SCN3A: variants seen among roughly 807,000 people sequenced by gnomAD.
SCN3A encodes sodium channel protein type 3 subunit alpha.
In SCN3A, 60 loss-of-function variants were observed where a neutral mutation model predicts 187.6. The ratio of observed to expected loss-of-function variants is 0.32; its 90% CI spans 0.26 to 0.40. The LOEUF is 0.40. Ranked by LOEUF, SCN3A falls within the 10% of genes least tolerant of loss-of-function variation. The pLI is 1.00. For synonymous variants in SCN3A, 788 were observed against 829.2 expected, an observed-to-expected ratio of 0.95 and a Z score of 0.85; for missense variants, 1,601 against 2,428.2, an observed-to-expected ratio of 0.66 and a Z score of 7.16.
chr2:165,114,603 A>G (rs1217821582), intron 19 of SCN3A, among the ~76,000 whole-genome samples: 2 of 152,200 alleles, frequency 1.3e-5, no homozygotes, highest in African/African-American at 4.8e-5. Context: ...GTCACATTGA[A>G]TAATAGATAT....
At chr2:165,201,739 C>T (rs568976182) in intron 1 of SCN3A, among the ~76,000 whole-genome samples, 9 of 151,950 alleles carry the variant, frequency 5.9e-5, no homozygotes, top group Non-Finnish European at 1.3e-4. Context: ...AGGAACTGGC[C>T]AAGAAACGCC....
At chr2:165,109,208 T>G (rs1288838917) in intron 21 of SCN3A, among the ~76,000 whole-genome samples, 1 of 152,166 alleles carries the variant, frequency 6.6e-6, no homozygotes, top group Non-Finnish European at 1.5e-5. Context: ...AACTTCTAAA[T>G]GTTATAGTGT....
intron 6 of SCN3A, chr2:165,163,943 A>C (rs1559250958): frequency 6.6e-7 from 1 of 1,516,512 alleles, no homozygotes; most frequent in Non-Finnish European, 9.1e-7. Context: ...GTTTATACTA[A>C]ATAAGGACTT....
At chr2:165,200,746 A>G (rs1312580150) in intron 1 of SCN3A, among the ~76,000 whole-genome samples, 2 of 152,050 alleles carry the variant, frequency 1.3e-5, no homozygotes, top group Non-Finnish European at 2.9e-5. Context: ...GGGAAGGATT[A>G]GGAGGCCTGG....
intron 1 of SCN3A, among the ~76,000 whole-genome samples, chr2:165,188,612 A>AC (rs1206906276): frequency 6.6e-6 from 1 of 151,936 alleles, no homozygotes; most frequent in Non-Finnish European, 1.5e-5. Flanking sequence ...ACATGGTGAA[A>AC]CCCCGTCTCT....
intron 2 of SCN3A, among the ~76,000 whole-genome samples, chr2:165,177,683 A>G (rs1019628333): frequency 6.6e-6 from 1 of 152,276 alleles, no homozygotes; most frequent in Admixed American, 6.5e-5. Context: ...AAAGAAGGGA[A>G]GGCAGACTGA....
intron 2 of SCN3A, among the ~76,000 whole-genome samples, chr2:165,184,558 T>C (rs1691106410): frequency 6.6e-6 from 1 of 151,648 alleles, no homozygotes; most frequent in Admixed American, 6.6e-5. Flanking sequence ...TCTTGATGTT[T>C]GCTGAAACAA....
At chr2:165,124,988 A>T (rs1218519544) in intron 18 of SCN3A, among the ~76,000 whole-genome samples, 3 of 151,986 alleles carry the variant, frequency 2.0e-5, no homozygotes, top group East Asian at 1.9e-4. Flanking sequence ...TTAACTCCAA[A>T]CTCTTTGGCT....
At chr2:165,143,494 A>G (rs1457302768) in intron 12 of SCN3A, among the ~76,000 whole-genome samples, 26 of 152,182 alleles carry the variant, frequency 1.7e-4, no homozygotes. Flanking sequence ...AATGTATAAT[A>G]ATGGGTGTGA....
Position 165,170,454 on chromosome 2 carries a change from A to G in SCN3A, c.359T>C (p.Ile120Thr). The stretch of plus-strand genomic sequence containing the variant: ...TGAATGTACCAAAATCTTGATAGCA[A>G]TTTTCCTAACAGGGTTTAGTGGAGT... The part of the protein sequence containing the change: ...ILTPLNPVRK[I>T]AIKILVHSLF... The change falls in exon 4 of 28, where the codon ATT becomes ACT. Residue 120 changes from isoleucine (I) to threonine (T), a missense_variant. Physicochemically the swap from Ile to Thr is moderately conservative, Grantham distance 89. This residue lies in a region of SCN3A where 122 missense variants were observed against 225.1 expected (regional missense o/e 0.54). Transcript: ENST00000283254. 1 of 1,608,322 alleles carries G rather than the reference A, an allele frequency of 6.2e-7. No individual in the cohort carries two copies. The highest frequency in any genetic ancestry group is 8.5e-7 in the Non-Finnish European group (1 of 1,175,380).
rs1689981476 is a variant in SCN3A, at chr2:165,169,487, A to T, written c.384-662T>A. Among the ~76,000 whole-genome samples, 3 of 152,010 alleles carry T rather than the reference A, an allele frequency of 2.0e-5. No individual in the cohort carries two copies. In the South Asian group the frequency reaches 6.2e-4, roughly 32 times the overall value. On this transcript the variant is annotated intron_variant, in intron 4 of 27. Coordinates refer to ENST00000283254, the MANE Select transcript of SCN3A (RefSeq NM_006922.4). ...TACCTAAACAGATAGCACTATTCTGATGCTCTTCTGAGAATTAGCTGTAGT... is the reference window on the plus strand; with the variant it reads ...TACCTAAACAGATAGCACTATTCTGTTGCTCTTCTGAGAATTAGCTGTAGT...
At chr2:165,139,763 T>A in intron 13 of SCN3A, 155 bp from the exon 14 acceptor site, 1 of 909,322 alleles carries the variant, frequency 1.1e-6, no homozygotes, top group Non-Finnish European at 1.7e-6. Context: ...ATAAACAGTT[T>A]TTTTTTTAAA....
intron 18 of SCN3A, among the ~76,000 whole-genome samples, chr2:165,124,237 T>G (rs984608207): frequency 2.6e-5 from 4 of 152,118 alleles, no homozygotes. Flanking sequence ...TTATATCTTG[T>G]TACTCTAAAT....
In SCN3A at chr2:165,154,448, G is replaced by A; in HGVS notation, c.1380+4C>T. On this transcript the variant is annotated splice_donor_region_variant and intron_variant, in intron 11 of 27. Coordinates refer to ENST00000283254, the MANE Select transcript of SCN3A (RefSeq NM_006922.4). Reference sequence around the variant, plus strand: ...GATAAATCTTTGCTTTTATCACTCAGTACCTGAGCTTCTTCCTGTTGCTTT... The same window carrying A: ...GATAAATCTTTGCTTTTATCACTCAATACCTGAGCTTCTTCCTGTTGCTTT... 2 of 1,613,570 alleles carry A rather than the reference G, an allele frequency of 1.2e-6. No homozygotes were observed. Among genetic ancestry groups the A allele is most frequent in the Non-Finnish European group, 1.7e-6 (2 of 1,179,620 alleles).
At chr2:165,096,615 T>TA in intron 23 of SCN3A, 95 bp from the exon 24 acceptor site, 1 of 806,810 alleles carries the variant, frequency 1.2e-6, no homozygotes, top group South Asian at 1.6e-5. Flanking sequence ...ACAAATAACT[T>TA]TTTGTACAAT....
At chr2:165,115,903 C>G (rs1465410836) in intron 18 of SCN3A, among the ~76,000 whole-genome samples, 2 of 152,028 alleles carry the variant, frequency 1.3e-5, no homozygotes, top group Non-Finnish European at 2.9e-5. Context: ...TGAGGCCAAA[C>G]CAAGAATAGT....
At chr2:165,154,937 T>C (rs1688927050) in intron 10 of SCN3A, among the ~76,000 whole-genome samples, 1 of 152,216 alleles carries the variant, frequency 6.6e-6, no homozygotes, top group African/African-American at 2.4e-5. Context: ...AGAGTTCATA[T>C]GCAGAGCAAT....
chr2:165,174,209 T>G (rs1249626835), intron 3 of SCN3A, among the ~76,000 whole-genome samples: 6 of 152,166 alleles, frequency 3.9e-5, no homozygotes, highest in African/African-American at 9.6e-5. Flanking sequence ...ATGCCTGGCC[T>G]CCAGTGTATT....
rs1193842951 is a variant in SCN3A at position 165,090,542 on chromosome 2, G to A, written c.5611C>T (p.Arg1871Ter). 1.2e-6 allele frequency: 2 copies of A among 1,613,840 alleles called. No homozygotes were observed. The highest frequency in any genetic ancestry group is 8.5e-7 in the Non-Finnish European group (1 of 1,179,932). ...LGESGEMDAL[R>*]IQMEDRFMAS... is the part of the protein sequence containing the mutation. ...ATAAACCTGTCTTCCATCTGTATTC[G>A]AAGGGCATCCATCTCTCCACTCTCA... The change falls in exon 28 of 28, where the codon CGA (arginine) becomes TGA (stop). Residue 1871 changes from arginine (R) to a stop codon, truncating the protein, a stop_gained. Coordinates refer to ENST00000283254, the MANE Select transcript of SCN3A (RefSeq NM_006922.4). LOFTEE classifies it high-confidence loss of function. This position sits in a 1 kb window ranked among gnomAD's most constrained non-coding sequence, Gnocchi z 4.0.
Sources: gnomAD v4.1 joint callset for allele counts (sites outside exome capture counted in the v4.1 genomes callset) on GRCh38, gnomAD v4.1.1 for gene constraint, gnomAD v4.1.1 regional missense constraint, Gnocchi (gnomAD v3.1) non-coding constraint, MANE v1.5 for transcripts, NCBI Gene and HGNC (gene_info 2026-07-23, HGNC 2026-07-21) for gene names.